The following SNX31 variants were observed in gnomAD, a reference collection of about 807,000 sequenced individuals.
The protein encoded by SNX31 is sorting nexin-31.
SNX31 carries 58 observed loss-of-function variants against 65.4 expected under a neutral mutation model. The observed-to-expected ratio is 0.89, with a 90% CI of 0.72 to 1.10. The LOEUF (loss-of-function observed/expected upper bound fraction) is 1.10. Among genes scored for constraint, SNX31 ranks in the 50% least tolerant of loss-of-function variants. The probability of loss-of-function intolerance (pLI) is 0.00; values close to 1 mark genes in which losing one functional copy is unlikely to be tolerated. For missense variants in SNX31, 523 were observed against 529.7 expected (o/e 0.99, Z 0.12); for synonymous variants, 181 against 190.1 (o/e 0.95, Z 0.39).
intron 12 of SNX31, among the ~76,000 whole-genome samples, chr8:100,581,183 C>T (rs1381365337): frequency 6.6e-6 from 1 of 151,426 alleles, no homozygotes; most frequent in Admixed American, 6.6e-5. Flanking sequence ...CCAGTGGTCC[C>T]AGCTACTTGG....
At position 100,635,767 on chromosome 8, in the gene SNX31, A is replaced by G. The variant is rs1563574387; in HGVS notation, c.256+130T>C. ...AGTGACAATATTCTAAAATTAGATT[A>G]CGGTAATGGTCGCACAATTAATTAC... On this transcript the variant is annotated intron_variant, in intron 3 of 13. Coordinates refer to ENST00000311812, the MANE Select transcript of SNX31 (RefSeq NM_152628.4). 5 of 619,052 alleles carry G rather than the reference A, an allele frequency of 8.1e-6. No homozygotes were observed. In the South Asian group the frequency reaches 1.0e-4, roughly 13 times the overall value. 38.3% of individuals were successfully genotyped at this position (619,052 alleles called of 1,614,324 possible).
intron 2 of SNX31, 29 bp downstream of exon 2, chr8:100,649,245 G>A (rs1004400546): frequency 1.2e-6 from 2 of 1,608,226 alleles, no homozygotes; most frequent in Non-Finnish European, 1.7e-6. Context: ...CTCAGTGGAT[G>A]GGCTCGTACC....
At chr8:100,649,703 T>C, upstream of SNX31, 5 of 494,360 alleles carry the variant, frequency 1.0e-5, no homozygotes, top group Non-Finnish European at 3.5e-6. Flanking sequence ...CGCCTCCCAG[T>C]CCCCGCCCCA....
At chr8:100,615,651 G>T (rs1368991473) in intron 5 of SNX31, among the ~76,000 whole-genome samples, 1 of 152,218 alleles carries the variant, frequency 6.6e-6, no homozygotes, top group African/African-American at 2.4e-5. Context: ...GCTGTTCCCA[G>T]GCTACAAGCC....
chr8:100,640,189 G>A (rs1470272923), intron 2 of SNX31, among the ~76,000 whole-genome samples: 3 of 152,134 alleles, frequency 2.0e-5, no homozygotes, highest in Non-Finnish European at 4.4e-5. Flanking sequence ...GTGCAATGGT[G>A]CCATCTTGGC....
At chr8:100,618,142 A>C (rs1300728894) in intron 4 of SNX31, 8 of 985,286 alleles carry the variant, frequency 8.1e-6, no homozygotes, top group Non-Finnish European at 9.6e-6. Context: ...CTCTTCTAGC[A>C]TATGGTACCC....
rs1234979883 is a variant in SNX31, at chr8:100,649,560, C to T, written c.-46G>A. 2 of 1,532,766 alleles carry T rather than the reference C, an allele frequency of 1.3e-6. No homozygotes were observed. The highest frequency in any genetic ancestry group is 1.8e-6 in the Non-Finnish European group (2 of 1,132,880). The allele number at this position is 1,532,766 out of a possible 1,614,324, so 94.9% of individuals were successfully genotyped here. A position where few individuals can be genotyped will look rare whatever the true frequency, so the allele number is the denominator to read the frequency against. On this transcript the variant is annotated 5_prime_UTR_variant, in exon 1 of 14. Coordinates refer to ENST00000311812, the MANE Select transcript of SNX31 (RefSeq NM_152628.4). ...GTAGCGCTGGGAACCCGACCTGCGG[C>T]GGCGGGCGGTGCGCGGCTCTGAACT... is the stretch of plus-strand genomic sequence containing the variant.
chr8:100,656,059 T>C (rs1820048421), intron 1 of SNX31, among the ~76,000 whole-genome samples: 2 of 152,120 alleles, frequency 1.3e-5, no homozygotes, highest in African/African-American at 2.4e-5. Flanking sequence ...AGTGCTTTAG[T>C]GTATGGAGGG....
intron 4 of SNX31, among the ~76,000 whole-genome samples, chr8:100,620,889 C>G (rs978990262): frequency 1.3e-5 from 2 of 151,968 alleles, no homozygotes; most frequent in Non-Finnish European, 2.9e-5. Context: ...CACCTGAGGT[C>G]GGCAGATCAC....
intron 11 of SNX31, among the ~76,000 whole-genome samples, chr8:100,587,100 A>G (rs1814114168): frequency 6.6e-6 from 1 of 152,138 alleles, no homozygotes; most frequent in African/African-American, 2.4e-5. Flanking sequence ...GCTCAGCCCC[A>G]GGCAATGGTT....
chr8:100,616,141 T>C (rs1341768338), intron 5 of SNX31, among the ~76,000 whole-genome samples: 2 of 152,168 alleles, frequency 1.3e-5, no homozygotes, highest in African/African-American at 4.8e-5. Flanking sequence ...ACCACCATTG[T>C]ATATGCAGTC....
intron 2 of SNX31, among the ~76,000 whole-genome samples, chr8:100,642,384 C>T (rs780871253): frequency 2.0e-5 from 3 of 152,212 alleles, no homozygotes; most frequent in African/African-American, 4.8e-5. Context: ...GTTCTAATCA[C>T]AGCAGCCTTG....
In SNX31 at chr8:100,614,965, A is replaced by C. The variant is rs187997620; in HGVS notation, c.433-1880T>G. 2.0e-5 allele frequency among the ~76,000 whole-genome samples: 3 copies of C among 152,364 alleles called. No individual in the cohort carries two copies. Among genetic ancestry groups the C allele is most frequent in the African/African-American group, 7.2e-5 (3 of 41,588 alleles). ...CCTGGGGAAGCAAAGTGAGAATGGCAGCAAGTGTGCTGGAGAAGATGCAGA... is the reference window on the plus strand; with the variant it reads ...CCTGGGGAAGCAAAGTGAGAATGGCCGCAAGTGTGCTGGAGAAGATGCAGA... On this transcript the variant is annotated intron_variant, in intron 5 of 13. Coordinates refer to ENST00000311812, the MANE Select transcript of SNX31 (RefSeq NM_152628.4). This position sits in a 1 kb window ranked among gnomAD's most constrained non-coding sequence, Gnocchi z 5.1.
intron 1 of SNX31, among the ~76,000 whole-genome samples, chr8:100,657,380 A>G (rs1199785073): frequency 6.6e-6 from 1 of 151,714 alleles, no homozygotes; most frequent in Non-Finnish European, 1.5e-5. Flanking sequence ...TGAACCTGGA[A>G]GGCAGAGGTT....
At chr8:100,615,980 T>C (rs1396824706) in intron 5 of SNX31, among the ~76,000 whole-genome samples, 19 of 152,130 alleles carry the variant, frequency 1.2e-4, no homozygotes, top group Admixed American at 1.2e-3. Context: ...CTCACTGTGT[T>C]AGCCAGAATG....
chr8:100,582,644 G>A (rs1813651119), intron 12 of SNX31: 1 of 152,138 alleles, frequency 6.6e-6, no homozygotes, highest in African/African-American at 2.4e-5. Flanking sequence ...AACTAAAGAT[G>A]TCATCCATCC....
intron 2 of SNX31, among the ~76,000 whole-genome samples, chr8:100,641,563 A>ATAT (rs1171000204): frequency 8.9e-4 from 20 of 22,546 alleles, no homozygotes; most frequent in Non-Finnish European, 1.2e-3. Context: ...AAAAAAAAAA[A>ATAT]AAATATATAT....
chr8:100,650,203 T>G (rs938943080), upstream of SNX31, among the ~76,000 whole-genome samples: 3 of 152,228 alleles, frequency 2.0e-5, no homozygotes, highest in Admixed American at 1.3e-4. Context: ...TTTTAGTTGC[T>G]GTGGAAAATA....
Position 100,613,720 on chromosome 8 carries a change from C to T in SNX31, c.433-635G>A, listed in dbSNP as rs116877448. ...TTATATCAAACAGCTTTCATTTCAA[C>T]GCCAGTGGCTTCATTTTTACCATCA... On this transcript the variant is annotated intron_variant, in intron 5 of 13. Coordinates refer to ENST00000311812, the MANE Select transcript of SNX31 (RefSeq NM_152628.4). This position sits in a 1 kb window ranked among gnomAD's most constrained non-coding sequence, Gnocchi z 5.2. Among the ~76,000 whole-genome samples the T allele has an allele frequency of 6.8e-3, 1,035 of 152,314 alleles. 8 individuals carry two copies. The highest frequency in any genetic ancestry group is 0.011 in the Non-Finnish European group (755 of 68,026).
Sources: allele counts gnomAD v4.1 joint callset (sites outside exome capture counted in the v4.1 genomes callset), GRCh38; gene constraint gnomAD v4.1.1; non-coding constraint Gnocchi (gnomAD v3.1); transcripts MANE v1.5; gene names NCBI Gene and HGNC (gene_info 2026-07-23, HGNC 2026-07-21).